The following GABRG3 variants were observed in gnomAD, a reference collection of about 807,000 sequenced individuals.
GABRG3 encodes gamma-aminobutyric acid receptor subunit gamma-3.
In GABRG3, 25 loss-of-function variants were observed where a neutral mutation model predicts 48.8. The observed-to-expected ratio is 0.51, with a 90% CI of 0.37 to 0.72. GABRG3 has a LOEUF of 0.72. Among genes scored for constraint, GABRG3 ranks in the 30% least tolerant of loss-of-function variants. The pLI, the probability that GABRG3 is intolerant of heterozygous loss-of-function variation, is 0.00. For missense variants in GABRG3, 394 were observed against 577.9 expected (o/e 0.68, Z 3.26); for synonymous variants, 227 against 217.6 (o/e 1.04, Z -0.38).
chr15:27,096,865 G>A (rs1161228023), intron 3 of GABRG3, among the ~76,000 whole-genome samples: 17 of 129,686 alleles, frequency 1.3e-4, no homozygotes, highest in Middle Eastern at 8.7e-3. Context: ...TTGGGAGAAT[G>A]TGTCTCACTC....
chr15:27,214,694 A>ATTTTTT (rs58631276), intron 3 of GABRG3, among the ~76,000 whole-genome samples: 19 of 145,796 alleles, frequency 1.3e-4, no homozygotes, highest in African/African-American at 4.3e-4. Flanking sequence ...TCACATCCAC[A>ATTTTTT]TTTTTTTTTT....
chr15:27,307,040 T>C (rs1490966833), intron 3 of GABRG3, among the ~76,000 whole-genome samples: 1 of 113,922 alleles, frequency 8.8e-6, no homozygotes, highest in Admixed American at 9.1e-5. Flanking sequence ...ATGTATAAAA[T>C]AAACATGTTT....
At chr15:27,213,998 G>T (rs1889158021) in intron 3 of GABRG3, among the ~76,000 whole-genome samples, 1 of 152,312 alleles carries the variant, frequency 6.6e-6, no homozygotes, top group East Asian at 1.9e-4. Context: ...CATGGATTTG[G>T]TGAAGTAGAG....
chr15:27,020,301 C>T (rs1377671266), intron 2 of GABRG3, among the ~76,000 whole-genome samples: 1 of 152,208 alleles, frequency 6.6e-6, no homozygotes, highest in Non-Finnish European at 1.5e-5. Flanking sequence ...TTAGGGATTC[C>T]CTTGCATGGA....
chr15:27,408,938 A>G (rs1887716833), intron 5 of GABRG3, among the ~76,000 whole-genome samples: 1 of 152,214 alleles, frequency 6.6e-6, no homozygotes, highest in Non-Finnish European at 1.5e-5. Flanking sequence ...TACAGTATGT[A>G]TTATACAACT....
At chr15:27,404,003 C>T (rs1887558361) in intron 5 of GABRG3, among the ~76,000 whole-genome samples, 1 of 151,290 alleles carries the variant, frequency 6.6e-6, no homozygotes, top group Admixed American at 6.6e-5. Flanking sequence ...GGGTGGATCA[C>T]GAGGTCAGGA....
intron 3 of GABRG3, among the ~76,000 whole-genome samples, chr15:27,287,406 A>G (rs1489902616): frequency 2.0e-5 from 3 of 152,198 alleles, no homozygotes; most frequent in Admixed American, 6.5e-5. Flanking sequence ...TGAAATAATA[A>G]TTGATTTATT....
chr15:27,117,462 G>A (rs1242234248), intron 3 of GABRG3, among the ~76,000 whole-genome samples: 1 of 152,054 alleles, frequency 6.6e-6, no homozygotes, highest in Non-Finnish European at 1.5e-5. Flanking sequence ...CACACGCATT[G>A]GTCCTCCTAT....
At chr15:27,349,182 T>A (rs1256171258) in intron 5 of GABRG3, among the ~76,000 whole-genome samples, 1 of 151,852 alleles carries the variant, frequency 6.6e-6, no homozygotes. Flanking sequence ...ATGACCAAAT[T>A]TATACATATA....
chr15:27,299,026 G>A (rs1892103050), intron 3 of GABRG3, among the ~76,000 whole-genome samples: 1 of 152,192 alleles, frequency 6.6e-6, no homozygotes, highest in African/African-American at 2.4e-5. Flanking sequence ...GCTCACATCT[G>A]TAATCCCCGC....
intron 3 of GABRG3, among the ~76,000 whole-genome samples, chr15:27,222,790 G>A (rs940396297): frequency 1.2e-4 from 19 of 152,126 alleles, no homozygotes; most frequent in South Asian, 2.1e-4. Flanking sequence ...CAGTGTTCCC[G>A]GGAGACCACT....
chr15:27,241,016 C>T (rs1026736254), intron 3 of GABRG3, among the ~76,000 whole-genome samples: 3 of 152,212 alleles, frequency 2.0e-5, no homozygotes, highest in African/African-American at 7.2e-5. Context: ...CAACCCATGC[C>T]TCCCTTCCTG....
chr15:27,258,280 A>C (rs780282450), intron 3 of GABRG3, among the ~76,000 whole-genome samples: 64 of 152,224 alleles, frequency 4.2e-4, no homozygotes, highest in Middle Eastern at 3.2e-3. Context: ...AATGCCCAAC[A>C]TAAACAATAG....
rs180912909 is a variant in GABRG3 at position 27,385,756 on chromosome 15, A to G, written c.574+56868A>G. The stretch of plus-strand genomic sequence containing the variant: ...ATTCTGTTCTATATTGACAGTCTCT[A>G]TCTGGTGAACCATCATCATATTTCC... On this transcript the variant is annotated intron_variant, in intron 5 of 9. Coordinates refer to ENST00000615808, the MANE Select transcript of GABRG3 (RefSeq NM_033223.5). Among the ~76,000 whole-genome samples the G allele has an allele frequency of 2.3e-3, 353 of 152,250 alleles. 2 individuals carry two copies. Among genetic ancestry groups the G allele is most frequent in the Non-Finnish European group, 2.1e-3 (144 of 68,020 alleles).
intron 2 of GABRG3, among the ~76,000 whole-genome samples, chr15:26,986,745 G>A (rs571178880): frequency 2.0e-4 from 31 of 152,252 alleles, no homozygotes; most frequent in African/African-American, 7.0e-4. Context: ...TCTAGTGCTG[G>A]TCTTGATTTG....
intron 3 of GABRG3, among the ~76,000 whole-genome samples, chr15:27,104,477 A>G (rs1897416426): frequency 6.6e-6 from 1 of 152,164 alleles, no homozygotes; most frequent in Non-Finnish European, 1.5e-5. Context: ...AGTTTTGTGT[A>G]TGGGTTTTAT....
At chr15:27,353,245 A>G (rs567576732) in intron 5 of GABRG3, among the ~76,000 whole-genome samples, 12 of 151,806 alleles carry the variant, frequency 7.9e-5, no homozygotes, top group African/African-American at 2.4e-4. Flanking sequence ...AGTCCTAACC[A>G]TGGCCCCAAG....
intron 5 of GABRG3, among the ~76,000 whole-genome samples, chr15:27,387,918 AGGAGGGAG>A (rs200870176): frequency 0.047 from 1,724 of 36,712 alleles, 114 homozygotes; most frequent in East Asian, 0.074. Flanking sequence ...GAAGGAGGGA[AGGAGGGAG>A]GGAGGGAGGG....
At chr15:27,105,280 A>C (rs899827270) in intron 3 of GABRG3, among the ~76,000 whole-genome samples, 1 of 152,164 alleles carries the variant, frequency 6.6e-6, no homozygotes, top group Non-Finnish European at 1.5e-5. Flanking sequence ...CTCAAAATAC[A>C]TGAAGCAAAA....
Sources: allele counts gnomAD v4.1 joint callset (sites outside exome capture counted in the v4.1 genomes callset), GRCh38; gene constraint gnomAD v4.1.1; transcripts MANE v1.5; gene names NCBI Gene and HGNC (gene_info 2026-07-23, HGNC 2026-07-21).